The following STAP1 variants were observed in gnomAD, a reference collection of about 807,000 sequenced individuals.
STAP1 encodes signal-transducing adaptor protein 1.
In STAP1, 30 loss-of-function variants were observed where a neutral mutation model predicts 37.8. That is an observed-to-expected ratio of 0.79 (90% CI 0.59 to 1.08). The LOEUF is 1.08. Ranked by LOEUF, STAP1 falls within the 50% of genes least tolerant of loss-of-function variation. The pLI is 0.00. For synonymous variants in STAP1, 130 were observed against 116.0 expected (o/e 1.12, Z -0.78); for missense variants, 357 against 349.4 (o/e 1.02, Z -0.17).
chr4:67,581,493 G>A (rs1481262888), intron 5 of STAP1, 22 bp downstream of exon 5: 1 of 1,578,510 alleles, frequency 6.3e-7, no homozygotes, highest in East Asian at 2.3e-5. Flanking sequence ...ATGAACTGCA[G>A]TTTATTCATT....
intron 1 of STAP1, among the ~76,000 whole-genome samples, chr4:67,565,914 T>G (rs1727455598): frequency 6.7e-6 from 1 of 148,352 alleles, no homozygotes; most frequent in African/African-American, 2.5e-5. Flanking sequence ...CCCACTTCTC[T>G]TCCCCCCTCA....
chr4:67,571,199 C>G, intron 2 of STAP1, 44 bp downstream of exon 2: 1 of 1,314,966 alleles, frequency 7.6e-7, no homozygotes, highest in Non-Finnish European at 1.1e-6. Flanking sequence ...CCCAATATAC[C>G]CTTGTCACAT....
At chr4:67,597,068 G>T (rs1465812456) in intron 8 of STAP1, among the ~76,000 whole-genome samples, 3 of 152,230 alleles carry the variant, frequency 2.0e-5, no homozygotes, top group African/African-American at 7.2e-5. Context: ...TTTTATCACA[G>T]GCCTGGAGGC....
chr4:67,583,582 A>G lies in STAP1; in HGVS notation c.539A>G (p.Tyr180Cys), dbSNP rs958921134. 2 of 1,611,022 alleles carry G rather than the reference A, an allele frequency of 1.2e-6. No individual in the cohort carries two copies. The highest frequency in any genetic ancestry group is 2.7e-5 in the African/African-American group (2 of 74,682). The change falls in exon 6 of 9, where the codon TAT becomes TGT. Residue 180 changes from tyrosine (Y) to cysteine (C), a missense_variant. Transcript: ENST00000265404. ...TTATCTCACCTCTGTAGATGTTTTT[A>G]TACAGTGTCCCGGAAAGAGGCAACT... is the stretch of plus-strand genomic sequence containing the variant. ...DVLNPMPACF[Y>C]TVSRKEATEM...
At chr4:67,592,909 C>T (rs1427008632) in intron 7 of STAP1, among the ~76,000 whole-genome samples, 1 of 152,148 alleles carries the variant, frequency 6.6e-6, no homozygotes, top group African/African-American at 2.4e-5. Context: ...GTCTGAAACT[C>T]CTGGTCTCAA....
chr4:67,570,379 C>T (rs979244908), intron 1 of STAP1, among the ~76,000 whole-genome samples: 2 of 152,194 alleles, frequency 1.3e-5, no homozygotes, highest in African/African-American at 2.4e-5. Context: ...ACAGTTGATA[C>T]GAATTTTTCA....
chr4:67,560,335 C>T (rs140951746), intron 1 of STAP1, among the ~76,000 whole-genome samples: 117 of 152,272 alleles, frequency 7.7e-4, no homozygotes, highest in African/African-American at 2.7e-3. Flanking sequence ...CTACTTGCTA[C>T]TTGCCTCCTA....
At chr4:67,583,731 A>T in intron 6 of STAP1, 29 bp downstream of exon 6, 1 of 1,601,746 alleles carries the variant, frequency 6.2e-7, no homozygotes. Context: ...AATGTATGGA[A>T]TTTTTAAAAG....
chr4:67,592,765 C>T (rs1317773010), intron 7 of STAP1, among the ~76,000 whole-genome samples: 1 of 152,170 alleles, frequency 6.6e-6, no homozygotes, highest in Non-Finnish European at 1.5e-5. Flanking sequence ...ACTCATGCAG[C>T]CTCGAACTCC....
At chr4:67,575,600 C>T (rs1026629767) in intron 3 of STAP1, 102 bp downstream of exon 3, 32 of 841,484 alleles carry the variant, frequency 3.8e-5, no homozygotes, top group Non-Finnish European at 5.6e-5. Flanking sequence ...CAGGCTAAGT[C>T]TTACACTTTG....
intron 1 of STAP1, among the ~76,000 whole-genome samples, chr4:67,562,703 C>T (rs1727377312): frequency 6.6e-6 from 1 of 151,660 alleles, no homozygotes; most frequent in Admixed American, 6.6e-5. Flanking sequence ...ACCCAGGAGG[C>T]GGAGCTTGCA....
chr4:67,578,830 AT>A (rs11314663), intron 4 of STAP1, among the ~76,000 whole-genome samples: 48,453 of 142,278 alleles, frequency 0.34, 7,772 homozygotes, highest in African/African-American at 0.4. Flanking sequence ...ATTTATGTGA[AT>A]TTTTTTTTTT....
intron 2 of STAP1, among the ~76,000 whole-genome samples, chr4:67,572,616 A>G (rs1037895311): frequency 3.3e-5 from 5 of 152,200 alleles, no homozygotes; most frequent in African/African-American, 1.2e-4. Flanking sequence ...CTAAAAGAGC[A>G]AACAAAAGAT....
intron 1 of STAP1, among the ~76,000 whole-genome samples, chr4:67,560,861 T>C (rs1727321525): frequency 1.3e-5 from 2 of 152,192 alleles, no homozygotes; most frequent in Non-Finnish European, 2.9e-5. Flanking sequence ...GTTGTTCAGG[T>C]TGGTCTCAAA....
At chr4:67,583,429 A>AATTACAATGCTCTATT in intron 5 of STAP1, 145 bp from the exon 6 acceptor site, 2 of 791,966 alleles carry the variant, frequency 2.5e-6, no homozygotes, top group Non-Finnish European at 3.9e-6. Flanking sequence ...AGAGCATTGT[A>AATTACAATGCTCTATT]ATTACATAAT....
In STAP1 at chr4:67,558,805, G is replaced by C; in HGVS notation, c.-5G>C. 2 of 1,609,952 alleles carry C rather than the reference G, an allele frequency of 1.2e-6. No individual in the cohort carries two copies. The highest frequency in any genetic ancestry group is 1.7e-6 in the Non-Finnish European group (2 of 1,178,566). ...GAAACCAAACCACACACCAAAGAGAGGGGTATGATGGCTAAGAAGCCCCCA... is the reference window on the plus strand; with the variant it reads ...GAAACCAAACCACACACCAAAGAGACGGGTATGATGGCTAAGAAGCCCCCA... On this transcript the variant is annotated 5_prime_UTR_variant, in exon 1 of 9. Coordinates refer to ENST00000265404, the MANE Select transcript of STAP1 (RefSeq NM_012108.4).
intron 8 of STAP1, among the ~76,000 whole-genome samples, chr4:67,601,438 A>G (rs1466749692): frequency 1.3e-5 from 2 of 152,214 alleles, no homozygotes; most frequent in Non-Finnish European, 2.9e-5. Context: ...TATTACCACC[A>G]GTGAGTTTTG....
intron 8 of STAP1, among the ~76,000 whole-genome samples, chr4:67,595,985 A>G (rs181186296): frequency 1.2e-3 from 185 of 152,286 alleles, no homozygotes; most frequent in African/African-American, 4.1e-3. Flanking sequence ...ATTTTGATTT[A>G]TAGGTATTTA....
intron 5 of STAP1, among the ~76,000 whole-genome samples, chr4:67,582,644 A>G (rs559365046): frequency 2.7e-5 from 4 of 146,776 alleles, no homozygotes; most frequent in East Asian, 3.9e-4. Flanking sequence ...TTTTTTTTCT[A>G]TGAATATGAC....
Sources: allele counts gnomAD v4.1 joint callset (sites outside exome capture counted in the v4.1 genomes callset), GRCh38; gene constraint gnomAD v4.1.1; transcripts MANE v1.5; gene names NCBI Gene and HGNC (gene_info 2026-07-23, HGNC 2026-07-21).